CAMK1D: variants seen among roughly 807,000 people sequenced by gnomAD.
CAMK1D encodes calcium/calmodulin dependent protein kinase ID.
CAMK1D carries 9 observed loss-of-function variants against 47.7 expected under a neutral mutation model. The ratio of observed to expected loss-of-function variants is 0.19; its 90% CI spans 0.11 to 0.33. The LOEUF (loss-of-function observed/expected upper bound fraction) is 0.33. Ranked by LOEUF, CAMK1D falls within the 10% of genes least tolerant of loss-of-function variation. CAMK1D has a pLI of 1.00. For missense variants in CAMK1D, 291 were observed against 488.7 expected (o/e 0.60, Z 3.81); for synonymous variants, 184 against 184.9 (o/e 0.99, Z 0.04).
chr10:12,732,197 C>T (rs1039382646), intron 3 of CAMK1D, among the ~76,000 whole-genome samples: 11 of 152,038 alleles, frequency 7.2e-5, no homozygotes, highest in Non-Finnish European at 1.5e-4. Flanking sequence ...GCCCAGGTTG[C>T]GCCATTGCAC....
In CAMK1D at chr10:12,695,310, G is replaced by A. The variant is rs1057426337; in HGVS notation, c.299+28500G>A. 1.2e-4 allele frequency among the ~76,000 whole-genome samples: 19 copies of A among 152,124 alleles called. 1 individual carries two copies. The highest frequency in any genetic ancestry group is 9.6e-4 in the East Asian group (5 of 5,192). On this transcript the variant is annotated intron_variant, in intron 3 of 10. Coordinates refer to ENST00000619168, the MANE Select transcript of CAMK1D (RefSeq NM_153498.4). ...GGTTCTCTGAAGAGGTGACCTTCAC[G>A]TAGAGGGCGAACATAAGTCCCCACC... is the stretch of plus-strand genomic sequence containing the variant.
chr10:12,702,501 CAAT>C (rs1033593675), intron 3 of CAMK1D, among the ~76,000 whole-genome samples: 1 of 152,192 alleles, frequency 6.6e-6, no homozygotes, highest in African/African-American at 2.4e-5. Flanking sequence ...ACTGAACAAA[CAAT>C]GATGCAAAAA....
chr10:12,721,517 C>T (rs1365008674), intron 3 of CAMK1D, among the ~76,000 whole-genome samples: 1 of 151,100 alleles, frequency 6.6e-6, no homozygotes, highest in African/African-American at 2.4e-5. Context: ...ATCCACCATC[C>T]ATCCATCCAT....
At chr10:12,604,814 A>G (rs17151970) in intron 2 of CAMK1D, among the ~76,000 whole-genome samples, 21,161 of 152,222 alleles carry the variant, frequency 0.14, 1,682 homozygotes, top group African/African-American at 0.21. Context: ...TTAGTTGACC[A>G]AAGCACCCTT....
At chr10:12,362,061 C>CA (rs1194871715) in intron 1 of CAMK1D, among the ~76,000 whole-genome samples, 1 of 151,806 alleles carries the variant, frequency 6.6e-6, no homozygotes, top group Non-Finnish European at 1.5e-5. Flanking sequence ...AAACAAAAGA[C>CA]AAAAAACAAA....
chr10:12,538,591 G>A (rs557792920), intron 1 of CAMK1D, among the ~76,000 whole-genome samples: 3 of 152,132 alleles, frequency 2.0e-5, no homozygotes, highest in Non-Finnish European at 4.4e-5. Flanking sequence ...GCTGACATAC[G>A]CATTGTCTTG....
chr10:12,580,338 CTTTTT>C (rs5783277), intron 2 of CAMK1D, among the ~76,000 whole-genome samples: 4 of 120,696 alleles, frequency 3.3e-5, no homozygotes, highest in African/African-American at 1.3e-4. Context: ...CCCTTCCTTC[CTTTTT>C]TTTTTTTTTT....
At chr10:12,807,341 C>G (rs79326519) in intron 6 of CAMK1D, among the ~76,000 whole-genome samples, 8 of 152,200 alleles carry the variant, frequency 5.3e-5, no homozygotes, top group African/African-American at 1.9e-4. Flanking sequence ...AGCACTGATG[C>G]GGCCACAAGC....
intron 8 of CAMK1D, 76 bp from the exon 9 acceptor site, chr10:12,824,388 TA>T: frequency 1.5e-6 from 2 of 1,294,410 alleles, no homozygotes; most frequent in Non-Finnish European, 2.2e-6. Flanking sequence ...TGAGGCTAGG[TA>T]AGACTCCCCT....
chr10:12,784,959 A>C (rs1434563389), intron 5 of CAMK1D, among the ~76,000 whole-genome samples: 2 of 152,178 alleles, frequency 1.3e-5, no homozygotes, highest in South Asian at 4.1e-4. Flanking sequence ...TGCAGCAGTA[A>C]AGGGACATTG....
At chr10:12,496,488 A>G (rs1377575124) in intron 1 of CAMK1D, among the ~76,000 whole-genome samples, 2 of 152,150 alleles carry the variant, frequency 1.3e-5, no homozygotes, top group African/African-American at 4.8e-5. Flanking sequence ...AGGGCACAGA[A>G]GAAGGGGCCC....
intron 2 of CAMK1D, among the ~76,000 whole-genome samples, chr10:12,586,687 C>A (rs754979868): frequency 6.6e-6 from 1 of 152,082 alleles, no homozygotes; most frequent in Non-Finnish European, 1.5e-5. Context: ...CCTCACCAGA[C>A]CTAGGCTGTT....
At chr10:12,371,821 C>T (rs1186585844) in intron 1 of CAMK1D, among the ~76,000 whole-genome samples, 5 of 152,000 alleles carry the variant, frequency 3.3e-5, no homozygotes, top group Admixed American at 2.0e-4. Flanking sequence ...CATGCACCAC[C>T]AGGCCCGGCT....
At chr10:12,822,943 C>T (rs115074180) in intron 8 of CAMK1D, among the ~76,000 whole-genome samples, 3,353 of 152,256 alleles carry the variant, frequency 0.022, 124 homozygotes, top group African/African-American at 0.075. Context: ...ATTTCCTGCA[C>T]GTCCCCTTGG....
At chr10:12,749,297 T>C (rs1835816929) in intron 3 of CAMK1D, among the ~76,000 whole-genome samples, 1 of 152,154 alleles carries the variant, frequency 6.6e-6, no homozygotes, top group Admixed American at 6.5e-5. Context: ...ACATTAAGGC[T>C]AGTGCATACT....
At chr10:12,495,858 C>T (rs1223436775) in intron 1 of CAMK1D, among the ~76,000 whole-genome samples, 3 of 152,136 alleles carry the variant, frequency 2.0e-5, no homozygotes, top group Non-Finnish European at 4.4e-5. Flanking sequence ...GACAGGGTCT[C>T]ACTCTGTCAC....
At chr10:12,373,479 A>G (rs139848439) in intron 1 of CAMK1D, among the ~76,000 whole-genome samples, 23 of 151,544 alleles carry the variant, frequency 1.5e-4, no homozygotes, top group African/African-American at 4.1e-4. Context: ...TAAAGATGCA[A>G]GAATTAGCCA....
At chr10:12,752,627 A>G (rs533413466) in intron 3 of CAMK1D, among the ~76,000 whole-genome samples, 1 of 152,346 alleles carries the variant, frequency 6.6e-6, no homozygotes, top group East Asian at 1.9e-4. Flanking sequence ...ATAAACTCCC[A>G]TTAAAACTGA....
At chr10:12,379,603 A>AT (rs892964446) in intron 1 of CAMK1D, among the ~76,000 whole-genome samples, 1 of 152,030 alleles carries the variant, frequency 6.6e-6, no homozygotes, top group African/African-American at 2.4e-5. Context: ...AAATACAAAA[A>AT]TTAGCCGGGC....
Sources: gnomAD v4.1 joint callset for allele counts (sites outside exome capture counted in the v4.1 genomes callset) on GRCh38, gnomAD v4.1.1 for gene constraint, MANE v1.5 for transcripts, NCBI Gene and HGNC (gene_info 2026-07-23, HGNC 2026-07-21) for gene names.